BACH2: variants seen among roughly 807,000 people sequenced by gnomAD.
The protein encoded by BACH2 is BACH transcriptional regulator 2.
BACH2 carries 5 observed loss-of-function variants against 61.8 expected under a neutral mutation model. The ratio of observed to expected loss-of-function variants is 0.08; its 90% CI spans 0.04 to 0.17. BACH2 has a LOEUF of 0.17. Ranked by LOEUF, BACH2 falls within the 10% of genes least tolerant of loss-of-function variation. The probability of loss-of-function intolerance (pLI) is 1.00; values close to 1 mark genes in which losing one functional copy is unlikely to be tolerated. For missense variants in BACH2, 824 were observed against 1,091.1 expected, an observed-to-expected ratio of 0.76 and a Z score of 3.45; for synonymous variants, 446 against 440.1, an observed-to-expected ratio of 1.01 and a Z score of -0.17.
rs990626298 is a variant in BACH2 at position 90,017,656 on chromosome 6, G to C, written c.-12-8800C>G. Among the ~76,000 whole-genome samples, 4 of 152,016 alleles carry C rather than the reference G, an allele frequency of 2.6e-5. 1 individual carries two copies. ...GTCCTTATCTCTAAAAGTCCCCTTTGGTCTTTTATAAAAAATCTTCCATGT... is the reference window on the plus strand; with the variant it reads ...GTCCTTATCTCTAAAAGTCCCCTTTCGTCTTTTATAAAAAATCTTCCATGT... On this transcript the variant is annotated intron_variant, in intron 5 of 8. Coordinates refer to ENST00000257749, the MANE Select transcript of BACH2 (RefSeq NM_021813.4).
At chr6:90,193,421 C>T (rs1768646206) in intron 4 of BACH2, among the ~76,000 whole-genome samples, 1 of 152,116 alleles carries the variant, frequency 6.6e-6, no homozygotes, top group Admixed American at 6.6e-5. Context: ...CTTCTACAAG[C>T]CAAGGAGCAA....
At position 90,244,861 on chromosome 6, in the gene BACH2, C is replaced by T. The variant is rs141768089; in HGVS notation, c.-275+7652G>A. ...CTGCTGAAATTAACCAAACAAGAAC[C>T]GTGAAGGATTAACAATACCTAATAT... On this transcript the variant is annotated intron_variant, in intron 3 of 8. Transcript: ENST00000257749. Among the ~76,000 whole-genome samples, 459 of 152,260 alleles carry T rather than the reference C, an allele frequency of 3.0e-3. 7 individuals carry two copies. Among genetic ancestry groups the T allele is most frequent in the East Asian group, 0.016 (82 of 5,184 alleles).
intron 6 of BACH2, among the ~76,000 whole-genome samples, chr6:89,981,385 C>T (rs1775948279): frequency 6.6e-6 from 1 of 152,054 alleles, no homozygotes; most frequent in African/African-American, 2.4e-5. Context: ...TCGTGATTTG[C>T]CCGCCTCGGC....
At chr6:90,062,436 T>A (rs1780732834) in intron 5 of BACH2, among the ~76,000 whole-genome samples, 1 of 152,178 alleles carries the variant, frequency 6.6e-6, no homozygotes, top group African/African-American at 2.4e-5. Flanking sequence ...GGACTTCTAG[T>A]TTGGTCTCGT....
At position 89,951,649 on chromosome 6, in the gene BACH2, G is replaced by C; in HGVS notation, c.457C>G (p.His153Asp). 6.2e-7 allele frequency: 1 copy of C among 1,614,228 alleles called. No homozygotes were observed. Among genetic ancestry groups the C allele is most frequent in the Non-Finnish European group, 8.5e-7 (1 of 1,180,052 alleles). Reference protein sequence around the residue: ...CRKDAACQRPHEDCENSAGEE... With the variant: ...CRKDAACQRPDEDCENSAGEE... ...CCTGCAGAGTTCTCGCAGTCCTCGTGTGGGCGCTGGCACGCAGCATCCTTC... is the reference window on the plus strand; with the variant it reads ...CCTGCAGAGTTCTCGCAGTCCTCGTCTGGGCGCTGGCACGCAGCATCCTTC... Residue 153 changes from histidine (H) to aspartate (D), a missense_variant, in exon 7 of 9, where the codon CAC becomes GAC. Transcript: ENST00000257749. This position sits in a 1 kb window ranked among gnomAD's most constrained non-coding sequence, Gnocchi z 6.4.
chr6:90,229,855 G>A (rs535402357), intron 3 of BACH2, among the ~76,000 whole-genome samples: 75 of 152,274 alleles, frequency 4.9e-4, no homozygotes, highest in African/African-American at 1.8e-3. Context: ...CCATTGTGCC[G>A]TCGAGATATT....
At chr6:90,103,033 T>A (rs866780536) in intron 4 of BACH2, among the ~76,000 whole-genome samples, 1,011 of 72,528 alleles carry the variant, frequency 0.014, 12 homozygotes, top group African/African-American at 0.048. Flanking sequence ...ATATATATTT[T>A]TTTTTTTTTT....
chr6:90,277,911 T>G (rs75320489), intron 1 of BACH2, among the ~76,000 whole-genome samples: 34 of 152,306 alleles, frequency 2.2e-4, no homozygotes, highest in African/African-American at 8.2e-4. Flanking sequence ...ATACTAATAA[T>G]GTACTTATCC....
At chr6:90,151,346 A>G (rs1784804828) in intron 4 of BACH2, among the ~76,000 whole-genome samples, 1 of 152,094 alleles carries the variant, frequency 6.6e-6, no homozygotes, top group African/African-American at 2.4e-5. Flanking sequence ...ATACAGTGGT[A>G]CAATCACACC....
chr6:90,166,695 C>T (rs1767630220), intron 4 of BACH2, among the ~76,000 whole-genome samples: 2 of 152,124 alleles, frequency 1.3e-5, no homozygotes, highest in South Asian at 4.1e-4. Flanking sequence ...GAAAATGTGG[C>T]ACATATACAC....
rs148774031 is a variant in BACH2 at position 90,269,104 on chromosome 6, CCT to C, written c.-353+2743_-353+2744del. 5.4e-3 allele frequency among the ~76,000 whole-genome samples: 818 copies of C among 152,136 alleles called. 6 individuals carry two copies. Among genetic ancestry groups the C allele is most frequent in the African/African-American group, 0.019 (780 of 41,512 alleles). ...TAACTTCATTTTCATTTTTTTCTCC[CCT>C]CTCGTCCTTCTGAATGAAGATGCTA... On this transcript the variant is annotated intron_variant, in intron 2 of 8. Transcript: ENST00000257749.
chr6:89,977,817 A>C (rs1157833735), intron 6 of BACH2, among the ~76,000 whole-genome samples: 1 of 152,218 alleles, frequency 6.6e-6, no homozygotes, highest in Non-Finnish European at 1.5e-5. Flanking sequence ...TGCAGTGTTC[A>C]GAAAGGCAAA....
chr6:90,046,090 C>T (rs1482967296), intron 5 of BACH2, among the ~76,000 whole-genome samples: 1 of 152,198 alleles, frequency 6.6e-6, no homozygotes, highest in Non-Finnish European at 1.5e-5. Context: ...ATGTCTTCCC[C>T]AGTGTCCCAT....
chr6:89,968,878 G>A (rs1371164042), intron 6 of BACH2, among the ~76,000 whole-genome samples: 1 of 152,062 alleles, frequency 6.6e-6, no homozygotes, highest in East Asian at 1.9e-4. Flanking sequence ...GGGTGTGGTG[G>A]CGTATGCCTG....
rs890462254 is a variant in BACH2 at position 90,068,196 on chromosome 6, G to A, written c.-13+20765C>T. Among the ~76,000 whole-genome samples, 3 of 152,126 alleles carry A rather than the reference G, an allele frequency of 2.0e-5. No individual in the cohort carries two copies. In the East Asian group the frequency reaches 5.8e-4, roughly 29 times the overall value. ...ACATCCCATTATGGAATTAAGTTCA[G>A]AGCTTTTAAAAAATTGTGGTATTGA... On this transcript the variant is annotated intron_variant, in intron 5 of 8. Coordinates refer to ENST00000257749, the MANE Select transcript of BACH2 (RefSeq NM_021813.4).
chr6:90,270,932 A>G (rs768735196), intron 2 of BACH2, among the ~76,000 whole-genome samples: 1 of 152,214 alleles, frequency 6.6e-6, no homozygotes, highest in Non-Finnish European at 1.5e-5. Flanking sequence ...AAATACTTAC[A>G]GCCAACTGAT....
intron 4 of BACH2, among the ~76,000 whole-genome samples, chr6:90,194,561 T>C (rs990596921): frequency 6.6e-6 from 1 of 152,162 alleles, no homozygotes; most frequent in African/African-American, 2.4e-5. Context: ...AAGACAGAGA[T>C]TGCAGACCAC....
intron 5 of BACH2, among the ~76,000 whole-genome samples, chr6:90,014,141 T>G (rs1238984846): frequency 2.0e-5 from 3 of 152,022 alleles, no homozygotes; most frequent in Admixed American, 6.6e-5. Context: ...TGTTAATAAT[T>G]TTTCATCTAT....
At chr6:90,167,017 T>G (rs971352915) in intron 4 of BACH2, among the ~76,000 whole-genome samples, 5 of 152,194 alleles carry the variant, frequency 3.3e-5, no homozygotes, top group African/African-American at 1.2e-4. Flanking sequence ...GTAACTAACC[T>G]GCACGTTGTG....
Sources: allele counts gnomAD v4.1 joint callset (sites outside exome capture counted in the v4.1 genomes callset), GRCh38; gene constraint gnomAD v4.1.1; non-coding constraint Gnocchi (gnomAD v3.1); transcripts MANE v1.5; gene names NCBI Gene and HGNC (gene_info 2026-07-23, HGNC 2026-07-21).